Variants in RASA1 observed in about 807,000 individuals in gnomAD.
RASA1 encodes the protein RAS p21 protein activator 1, also known as ras GTPase-activating protein 1.
A neutral mutation model predicts 132.2 loss-of-function variants in RASA1; 25 were observed. The ratio of observed to expected loss-of-function variants is 0.19; its 90% confidence interval spans 0.14 to 0.26. RASA1 has a LOEUF of 0.26. RASA1 is among the 10% of genes least tolerant of loss of function. The pLI is 1.00. For missense variants in RASA1, 964 were observed against 1,299.2 expected, an observed-to-expected ratio of 0.74 and a Z score of 3.97; for synonymous variants, 477 against 449.9, an observed-to-expected ratio of 1.06 and a Z score of -0.76.
intron 14 of RASA1, 45 bp from the exon 15 acceptor site, chr5:87,374,795 G>C: frequency 1.3e-6 from 2 of 1,599,738 alleles, no homozygotes; most frequent in South Asian, 2.2e-5. Context: ...AAGGTAGTTT[G>C]ATGCCAAAAC....
intron 8 of RASA1, among the ~76,000 whole-genome samples, chr5:87,352,121 T>C (rs923791527): frequency 6.6e-6 from 1 of 151,768 alleles, no homozygotes. Flanking sequence ...CTTTTAATAA[T>C]GCTTTTATTT....
At chr5:87,271,848 A>C (rs1013175781) in intron 1 of RASA1, among the ~76,000 whole-genome samples, 2 of 151,898 alleles carry the variant, frequency 1.3e-5, no homozygotes, top group Non-Finnish European at 2.9e-5. Flanking sequence ...GTTCCCATTA[A>C]ATTTTTAGTA....
intron 1 of RASA1, among the ~76,000 whole-genome samples, chr5:87,328,562 A>G (rs1156604002): frequency 6.6e-6 from 1 of 152,198 alleles, no homozygotes; most frequent in Non-Finnish European, 1.5e-5. Context: ...GAAATGTTAT[A>G]TCTTTGTTAT....
chr5:87,362,585 G>A lies in RASA1; in HGVS notation c.1367G>A (p.Gly456Asp), dbSNP rs2112456636. 3 of 1,597,194 alleles carry A rather than the reference G, an allele frequency of 1.9e-6. No homozygotes were observed. The highest frequency in any genetic ancestry group is 2.6e-6 in the Non-Finnish European group (3 of 1,164,820). Residue 456 changes from glycine to aspartate, a missense_variant, in exon 10 of 25, where the codon GGC (glycine) becomes GAC (aspartate). By Grantham distance (94) the Gly-to-Asp change is moderately conservative. Around this residue, in one of 6 missense-constraint regions of RASA1, gnomAD observed 346 missense variants for 520.1 expected, o/e 0.67. Transcript: ENST00000274376. ...CAAGTACTCAATGACACAGTGGATGGCAAGGAAATCTATAATACCATCCGT... is the reference window on the plus strand; with the variant it reads ...CAAGTACTCAATGACACAGTGGATGACAAGGAAATCTATAATACCATCCGT... ...QEQVLNDTVD[G>D]KEIYNTIRRK...
At chr5:87,315,793 T>G (rs894071914) in intron 1 of RASA1, among the ~76,000 whole-genome samples, 5 of 152,314 alleles carry the variant, frequency 3.3e-5, no homozygotes, top group Admixed American at 6.5e-5. Context: ...GATTAAATAC[T>G]TCCTAGGAAT....
chr5:87,375,176 G>A (rs1761237970), intron 15 of RASA1, among the ~76,000 whole-genome samples: 1 of 152,102 alleles, frequency 6.6e-6, no homozygotes, highest in Non-Finnish European at 1.5e-5. Flanking sequence ...TTTCTCCAAT[G>A]AATAGGAAGA....
At position 87,268,424 on chromosome 5, in the gene RASA1, G is replaced by A. The variant is rs1360746506; in HGVS notation, c.-28G>A. The A allele has an allele frequency of 2.0e-6, 3 of 1,524,294 alleles. No individual in the cohort carries two copies. Among genetic ancestry groups the A allele is most frequent in the East Asian group, 4.9e-5 (2 of 40,548 alleles). The allele number at this position is 1,524,294 out of a possible 1,614,324, so 94.4% of individuals were successfully genotyped here. On this transcript the variant is annotated 5_prime_UTR_variant, in exon 1 of 25. Transcript: ENST00000274376. ...GCCCCTGGGGCTCCCGGGCGGGCAG[G>A]GTAGGGCAGAGTAGAGCGGGCTTCA...
At chr5:87,359,596 G>A (rs1056179037) in intron 9 of RASA1, among the ~76,000 whole-genome samples, 2 of 152,162 alleles carry the variant, frequency 1.3e-5, no homozygotes, top group African/African-American at 4.8e-5. Context: ...CAGACTCCAA[G>A]AATGTTCCAT....
chr5:87,386,078 C>G (rs1762044208), intron 22 of RASA1, among the ~76,000 whole-genome samples: 1 of 152,038 alleles, frequency 6.6e-6, no homozygotes, highest in Non-Finnish European at 1.5e-5. Flanking sequence ...TTGCTCCTCA[C>G]AGCCTTGCCA....
chr5:87,330,680 A>G (rs969822170), intron 1 of RASA1, among the ~76,000 whole-genome samples: 11 of 152,180 alleles, frequency 7.2e-5, no homozygotes, highest in African/African-American at 2.7e-4. Flanking sequence ...TAGGTAGAAC[A>G]CAGTTAAACT....
At chr5:87,365,293 A>T (rs964614247) in intron 11 of RASA1, among the ~76,000 whole-genome samples, 1 of 152,204 alleles carries the variant, frequency 6.6e-6, no homozygotes, top group African/African-American at 2.4e-5. Flanking sequence ...TGATCCCTGT[A>T]TAAACTGTTC....
At chr5:87,290,973 A>G (rs923472223) in intron 1 of RASA1, among the ~76,000 whole-genome samples, 3 of 152,222 alleles carry the variant, frequency 2.0e-5, no homozygotes, top group Non-Finnish European at 4.4e-5. Context: ...GATAAATAAC[A>G]AGAAGCCTGA....
At chr5:87,270,222 A>G (rs1753763931) in intron 1 of RASA1, among the ~76,000 whole-genome samples, 1 of 147,626 alleles carries the variant, frequency 6.8e-6, no homozygotes, top group Non-Finnish European at 1.5e-5. Context: ...AGCCTGGGTG[A>G]CAGAGCGAGA....
At chr5:87,339,535 TA>T (rs1758285930) in intron 5 of RASA1, among the ~76,000 whole-genome samples, 1 of 152,164 alleles carries the variant, frequency 6.6e-6, no homozygotes, top group African/African-American at 2.4e-5. Flanking sequence ...GAAATTGCAC[TA>T]TAGTTGAACT....
At chr5:87,383,126 C>A (rs1761838252) in intron 20 of RASA1, among the ~76,000 whole-genome samples, 1 of 151,870 alleles carries the variant, frequency 6.6e-6, no homozygotes, top group African/African-American at 2.4e-5. Flanking sequence ...AAAAAGAAAA[C>A]CTTTCCAGTG....
chr5:87,290,667 CT>C (rs1453196403), intron 1 of RASA1, among the ~76,000 whole-genome samples: 1 of 152,206 alleles, frequency 6.6e-6, no homozygotes, highest in Non-Finnish European at 1.5e-5. Context: ...CCCTTAGCCC[CT>C]GTCAGTCACT....
chr5:87,317,332 T>C (rs1055684375), intron 1 of RASA1, among the ~76,000 whole-genome samples: 1 of 152,194 alleles, frequency 6.6e-6, no homozygotes, highest in South Asian at 2.1e-4. Flanking sequence ...GCCTATCTTC[T>C]TCCTCATTAG....
chr5:87,338,975 A>G (rs1240288334), intron 5 of RASA1, among the ~76,000 whole-genome samples: 1 of 152,096 alleles, frequency 6.6e-6, no homozygotes, highest in Non-Finnish European at 1.5e-5. Context: ...TGGCTTTTAT[A>G]TTTCAGAGAC....
intron 1 of RASA1, among the ~76,000 whole-genome samples, chr5:87,299,312 C>T (rs972573090): frequency 5.9e-5 from 9 of 152,136 alleles, no homozygotes; most frequent in African/African-American, 2.2e-4. Flanking sequence ...AGGAAGAACC[C>T]AAGTTTAGCC....
Sources: gnomAD v4.1 joint callset for allele counts (sites outside exome capture counted in the v4.1 genomes callset) on GRCh38, gnomAD v4.1.1 for gene constraint, gnomAD v4.1.1 regional missense constraint, MANE v1.5 for transcripts, NCBI Gene and HGNC (gene_info 2026-07-23, HGNC 2026-07-21) for gene names.